The following MMAB variants were observed in gnomAD, a reference collection of about 807,000 sequenced individuals.
MMAB encodes the protein metabolism of cobalamin associated B, also known as corrinoid adenosyltransferase MMAB.
In MMAB, 17 loss-of-function variants were observed where a neutral mutation model predicts 30.6. That is an observed-to-expected ratio of 0.56 (90% CI 0.38 to 0.83). The LOEUF (loss-of-function observed/expected upper bound fraction) is 0.83. Among genes scored for constraint, MMAB ranks in the 40% least tolerant of loss-of-function variants. MMAB has a pLI of 0.00. For synonymous variants in MMAB, 134 were observed against 138.6 expected (o/e 0.97, Z 0.23); for missense variants, 311 against 331.6 (o/e 0.94, Z 0.48).
At chr12:109,559,183 G>T in intron 7 of MMAB, 28 bp from the exon 8 acceptor site, 2 of 1,564,682 alleles carry the variant, frequency 1.3e-6, no homozygotes, top group Non-Finnish European at 1.8e-6. Flanking sequence ...ACTGAGTCAC[G>T]TGACATTATG....
intron 1 of MMAB, among the ~76,000 whole-genome samples, 189 bp from the exon 2 acceptor site, chr12:109,571,899 G>A (rs923811110): frequency 3.3e-5 from 5 of 152,218 alleles, no homozygotes; most frequent in African/African-American, 1.2e-4. Context: ...TTGTGGGCAA[G>A]ACCAGAGCTG....
chr12:109,561,360 T>C lies in MMAB; in HGVS notation c.519+60A>G. 3 of 1,542,632 alleles carry C rather than the reference T, an allele frequency of 1.9e-6. No homozygotes were observed. The highest frequency in any genetic ancestry group is 2.4e-5 in the South Asian group (2 of 83,946). On this transcript the variant is annotated intron_variant, in intron 6 of 8. Transcript: ENST00000545712. The surrounding 1 kb of genome is among the most constrained non-coding windows in gnomAD (Gnocchi z 5.3). ...AAAAGAGGGATTTATTCAGAGCCCA[T>C]GTGTGTCTGTCACTGAACCTGCCTG... is the stretch of plus-strand genomic sequence containing the variant.
In MMAB at chr12:109,561,436, G is replaced by GT. The variant is rs1884198492; in HGVS notation, c.502dup (p.Thr168AsnfsTer51). On this transcript the variant is annotated frameshift_variant, in exon 6 of 9. Coordinates refer to ENST00000545712, the MANE Select transcript of MMAB (RefSeq NM_052845.4). LOFTEE classifies it high-confidence loss of function. The surrounding 1 kb of genome is among the most constrained non-coding windows in gnomAD (Gnocchi z 5.3). ...AGTACCTACAGGCAGGATGAAGGCC[G>GT]TGAGTGGTGGGAGCTGGCTGGTGTA... 1 of 1,550,936 alleles carries GT rather than the reference G, an allele frequency of 6.4e-7. No individual in the cohort carries two copies. Among genetic ancestry groups the GT allele is most frequent in the Non-Finnish European group, 8.7e-7 (1 of 1,146,958 alleles).
Position 109,554,912 on chromosome 12 carries a change from G to C in MMAB, c.*2116C>G. On this transcript the variant is annotated 3_prime_UTR_variant, in exon 9 of 9. Coordinates refer to ENST00000545712, the MANE Select transcript of MMAB (RefSeq NM_052845.4). The stretch of plus-strand genomic sequence containing the variant: ...GTGGCATCTGCCCTGCACCCAGGTG[G>C]TTTCTCAGAGAAGTGTTTGCTGGTG... The C allele has an allele frequency of 2.2e-6, 1 of 454,132 alleles. No individual in the cohort carries two copies. Among genetic ancestry groups the C allele is most frequent in the South Asian group, 1.6e-5 (1 of 64,484 alleles). 28.1% of individuals were successfully genotyped at this position (454,132 alleles called of 1,614,324 possible). A position where few individuals can be genotyped will look rare whatever the true frequency, so the allele number is the denominator to read the frequency against.
Position 109,561,767 on chromosome 12 carries a change from G to T in MMAB, c.421+13C>A. 1.2e-6 allele frequency: 2 copies of T among 1,602,730 alleles called. No homozygotes were observed. Among genetic ancestry groups the T allele is most frequent in the Non-Finnish European group, 1.7e-6 (2 of 1,173,910 alleles). ...TAGGGCCCTCTGAACACCCACAGGAGTTTGAGAATTACTTAAGTGAGCCTC... is the reference window on the plus strand; with the variant it reads ...TAGGGCCCTCTGAACACCCACAGGATTTTGAGAATTACTTAAGTGAGCCTC... On this transcript the variant is annotated intron_variant, in intron 5 of 8. Coordinates refer to ENST00000545712, the MANE Select transcript of MMAB (RefSeq NM_052845.4). The surrounding 1 kb of genome is among the most constrained non-coding windows in gnomAD (Gnocchi z 5.3).
In MMAB at chr12:109,555,449, A is replaced by ATTT. The variant is rs34507867; in HGVS notation, c.*1576_*1578dup. ...AGGCACCCGCCACCATGCCCAGCTA[A>ATTT]TTTTTTTTTTTTTTTTTTTTTTTTA... On this transcript the variant is annotated 3_prime_UTR_variant, in exon 9 of 9. Transcript: ENST00000545712. The ATTT allele has an allele frequency of 2.1e-4, 68 of 318,356 alleles. No homozygotes were observed. The highest frequency in any genetic ancestry group is 4.5e-4 in the Admixed American group (10 of 22,282). 19.7% of individuals were successfully genotyped at this position (318,356 alleles called of 1,614,324 possible). A position where few individuals can be genotyped will look rare whatever the true frequency, so the allele number is the denominator to read the frequency against.
intron 3 of MMAB, 131 bp from the exon 4 acceptor site, chr12:109,565,307 G>T: frequency 2.6e-6 from 2 of 763,706 alleles, no homozygotes; most frequent in South Asian, 1.4e-5. Context: ...TATTTTTCTT[G>T]CTAACAATAA....
chr12:109,569,193 C>T lies in MMAB; in HGVS notation c.197-330G>A, dbSNP rs1352347749. ...AACTCCTGGTCTCAAGTGATTCACC[C>T]GCCTCAGCCTCCCAAAGTGCTGAGA... On this transcript the variant is annotated intron_variant, in intron 2 of 8. Transcript: ENST00000545712. The surrounding 1 kb of genome is among the most constrained non-coding windows in gnomAD (Gnocchi z 4.1). Among the ~76,000 whole-genome samples the T allele has an allele frequency of 6.6e-6, 1 of 152,162 alleles. No homozygotes were observed. Among genetic ancestry groups the T allele is most frequent in the Non-Finnish European group, 1.5e-5 (1 of 68,032 alleles).
Position 109,561,651 on chromosome 12 carries a change from C to T in MMAB, c.421+129G>A, listed in dbSNP as rs755822168. On this transcript the variant is annotated intron_variant, in intron 5 of 8. Coordinates refer to ENST00000545712, the MANE Select transcript of MMAB (RefSeq NM_052845.4). The surrounding 1 kb of genome is among the most constrained non-coding windows in gnomAD (Gnocchi z 5.3). The stretch of plus-strand genomic sequence containing the variant: ...ACTGGCTCAGAAGGTACCTTCCCTC[C>T]CAGGAGCTACGAGCAAGGCTAACTG... The T allele has an allele frequency of 8.3e-7, 1 of 1,211,240 alleles. No homozygotes were observed. Among genetic ancestry groups the T allele is most frequent in the South Asian group, 1.3e-5 (1 of 76,804 alleles). 75.0% of individuals were successfully genotyped at this position (1,211,240 alleles called of 1,614,324 possible).
rs770725559 is a variant in MMAB at position 109,561,275 on chromosome 12, G to A, written c.519+145C>T. On this transcript the variant is annotated intron_variant, in intron 6 of 8. Transcript: ENST00000545712. The surrounding 1 kb of genome is among the most constrained non-coding windows in gnomAD (Gnocchi z 5.3). ...GCTGCTCCAGAGTGGGCAGGGCTGG[G>A]AGGGACCGGTGAGGACCTGGAGGGA... 6 of 1,580,212 alleles carry A rather than the reference G, an allele frequency of 3.8e-6. No homozygotes were observed. The highest frequency in any genetic ancestry group is 5.1e-6 in the Non-Finnish European group (6 of 1,170,928).
rs145147836 is a variant in MMAB, at chr12:109,565,194, A to G, written c.291-18T>C. The G allele has an allele frequency of 5.9e-5, 95 of 1,608,482 alleles. No individual in the cohort carries two copies. Among genetic ancestry groups the G allele is most frequent in the East Asian group, 1.8e-4 (8 of 44,864 alleles). On this transcript the variant is annotated intron_variant, in intron 3 of 8. Transcript: ENST00000545712. ...GAGCAAACCTATGAAGAAAAAGGAA[A>G]AAGAATTTGCCTGTAATGTAATGTC... is the stretch of plus-strand genomic sequence containing the variant.
rs1217568422 is a variant in MMAB, at chr12:109,569,059, C to T, written c.197-196G>A. Among the ~76,000 whole-genome samples, 1 of 152,094 alleles carries T rather than the reference C, an allele frequency of 6.6e-6. No individual in the cohort carries two copies. Among genetic ancestry groups the T allele is most frequent in the East Asian group, 1.9e-4 (1 of 5,198 alleles). Reference sequence around the variant, plus strand: ...CTCCCAGGTTCAAGTGATTCTCATGCCTCAGTCTCCCAAGTAGCTGGGATT... The same window carrying T: ...CTCCCAGGTTCAAGTGATTCTCATGTCTCAGTCTCCCAAGTAGCTGGGATT... On this transcript the variant is annotated intron_variant, in intron 2 of 8. Coordinates refer to ENST00000545712, the MANE Select transcript of MMAB (RefSeq NM_052845.4). This position sits in a 1 kb window ranked among gnomAD's most constrained non-coding sequence, Gnocchi z 4.1.
chr12:109,573,498 G>T lies in MMAB; in HGVS notation c.-18C>A. 2 of 1,591,764 alleles carry T rather than the reference G, an allele frequency of 1.3e-6. No individual in the cohort carries two copies. The highest frequency in any genetic ancestry group is 2.3e-5 in the East Asian group (1 of 44,186). On this transcript the variant is annotated 5_prime_UTR_variant, in exon 1 of 9. Coordinates refer to ENST00000545712, the MANE Select transcript of MMAB (RefSeq NM_052845.4). ...ACAGCCATGAGCCAGGCTGCTTGAC[G>T]GGACCTGACCCCGCCAGGTTCCCGT...
chr12:109,573,157 T>C (rs769202130), intron 1 of MMAB, 190 bp downstream of exon 1: 58 of 701,724 alleles, frequency 8.3e-5, no homozygotes, highest in South Asian at 3.0e-4. Context: ...CGGGACTTCA[T>C]TGGGACTTAG....
chr12:109,561,559 AC>A lies in MMAB; in HGVS notation c.422-43del, dbSNP rs561909378. On this transcript the variant is annotated intron_variant, in intron 5 of 8. Transcript: ENST00000545712. The surrounding 1 kb of genome is among the most constrained non-coding windows in gnomAD (Gnocchi z 5.3). ...CAGAGGGAACTGCCATGAGGCCATC[AC>A]CCACCAGACCATGGCGGGAACCACC... 4.8e-4 allele frequency: 717 copies of A among 1,501,606 alleles called. 6 individuals carry two copies. In the South Asian group the frequency reaches 8.2e-3, roughly 17 times the overall value. The allele number at this position is 1,501,606 out of a possible 1,614,324, so 93.0% of individuals were successfully genotyped here.
At position 109,555,880 on chromosome 12, in the gene MMAB, A is replaced by C. The variant is rs1355345593; in HGVS notation, c.*1148T>G. The C allele has an allele frequency of 2.2e-6, 1 of 454,112 alleles. No individual in the cohort carries two copies. The allele number at this position is 454,112 out of a possible 1,614,324, so 28.1% of individuals were successfully genotyped here. A position where few individuals can be genotyped will look rare whatever the true frequency, so the allele number is the denominator to read the frequency against. On this transcript the variant is annotated 3_prime_UTR_variant, in exon 9 of 9. Transcript: ENST00000545712. Reference sequence around the variant, plus strand: ...ACTTGCCAGCAAGAAAGATGGCCGGAAAGACCAGCTGTCCCGAGCCTAGCG... The same window carrying C: ...ACTTGCCAGCAAGAAAGATGGCCGGCAAGACCAGCTGTCCCGAGCCTAGCG...
In MMAB at chr12:109,557,117, T is replaced by C; in HGVS notation, c.664A>G (p.Thr222Ala). 1 of 1,613,112 alleles carries C rather than the reference T, an allele frequency of 6.2e-7. No individual in the cohort carries two copies. The highest frequency in any genetic ancestry group is 8.5e-7 in the Non-Finnish European group (1 of 1,179,078). ...TTCATGGCTGCATATCTGGCTAGCG[T>C]GAAGAGATAGTCACTGAGTCTGGAG... ...FLNRLSDYLF[T>A]LARYAAMKEG... The change falls in exon 9 of 9, where the codon ACG becomes GCG. Residue 222 changes from threonine (T) to alanine (A), a missense_variant. Thr to Ala is a moderately conservative substitution (Grantham distance 58). Transcript: ENST00000545712.
Position 109,554,119 on chromosome 12 carries a change from C to T in MMAB, c.*2909G>A. The T allele has an allele frequency of 2.2e-6, 1 of 454,032 alleles. No homozygotes were observed. The highest frequency in any genetic ancestry group is 6.9e-5 in the East Asian group (1 of 14,390). 28.1% of individuals were successfully genotyped at this position (454,032 alleles called of 1,614,324 possible). On this transcript the variant is annotated 3_prime_UTR_variant, in exon 9 of 9. Coordinates refer to ENST00000545712, the MANE Select transcript of MMAB (RefSeq NM_052845.4). ...TGGGTGGGAGCTGAGGAGCACGGGGCTGTGAGTGACGAGGCCGCGTCCGGG... is the reference window on the plus strand; with the variant it reads ...TGGGTGGGAGCTGAGGAGCACGGGGTTGTGAGTGACGAGGCCGCGTCCGGG...
At position 109,564,754 on chromosome 12, in the gene MMAB, C is replaced by T. The variant is rs931092815; in HGVS notation, c.348+365G>A. On this transcript the variant is annotated intron_variant, in intron 4 of 8. Coordinates refer to ENST00000545712, the MANE Select transcript of MMAB (RefSeq NM_052845.4). ...AGTGCAGTGGCATGATCACAGCTCACTGCAGCCTTGACCTCCTGGGCTCAA... is the reference window on the plus strand; with the variant it reads ...AGTGCAGTGGCATGATCACAGCTCATTGCAGCCTTGACCTCCTGGGCTCAA... 11 of 379,990 alleles carry T rather than the reference C, an allele frequency of 2.9e-5. No homozygotes were observed. In the East Asian group the frequency reaches 6.9e-4, roughly 24 times the overall value. The allele number at this position is 379,990 out of a possible 1,614,324, so 23.5% of individuals were successfully genotyped here. A position where few individuals can be genotyped will look rare whatever the true frequency, so the allele number is the denominator to read the frequency against.
Sources: gnomAD v4.1 joint callset for allele counts (sites outside exome capture counted in the v4.1 genomes callset) on GRCh38, gnomAD v4.1.1 for gene constraint, Gnocchi (gnomAD v3.1) non-coding constraint, MANE v1.5 for transcripts, NCBI Gene and HGNC (gene_info 2026-07-23, HGNC 2026-07-21) for gene names.